Variants in ZNF664 observed in about 807,000 individuals in gnomAD.
ZNF664 encodes zinc finger Organ of Corti 1.
Under a neutral mutation model 18.2 loss-of-function variants are expected in ZNF664, and 10 were observed. That is an observed-to-expected ratio of 0.55 (90% CI 0.34 to 0.93). The LOEUF (loss-of-function observed/expected upper bound fraction) is 0.93, where lower values mean the gene tolerates loss of function less well. ZNF664 is among the 40% of genes least tolerant of loss of function. ZNF664 has a pLI of 0.02. For synonymous variants in ZNF664, 119 were observed against 104.2 expected (o/e 1.14, Z -0.86); for missense variants, 193 against 319.0 (o/e 0.61, Z 3.01).
At chr12:124,008,483 T>C (rs1202657517) in intron 3 of ZNF664, among the ~76,000 whole-genome samples, 1 of 152,230 alleles carries the variant, frequency 6.6e-6, no homozygotes, top group East Asian at 1.9e-4. Flanking sequence ...CACCCATTGC[T>C]TTTCATGGTT....
intron 2 of ZNF664, among the ~76,000 whole-genome samples, chr12:123,987,274 T>C (rs1956836529): frequency 6.6e-6 from 1 of 152,168 alleles, no homozygotes; most frequent in Non-Finnish European, 1.5e-5. Context: ...TGAACCTAAG[T>C]TCCTTAATAT....
chr12:124,011,566 T>C lies in ZNF664; in HGVS notation c.-579T>C. ...TACAGGAGACGGCATGATACCCATG[T>C]AGGGAATTCCCCAAAGCAGGGCTTG... On this transcript the variant is annotated 5_prime_UTR_variant, in exon 5 of 5. It removes the in-frame stop codon of an upstream open reading frame in the 5' UTR. Coordinates refer to ENST00000337815, the MANE Select transcript of ZNF664 (RefSeq NM_152437.3). 1.0e-6 allele frequency: 1 copy of C among 986,558 alleles called. No homozygotes were observed. The highest frequency in any genetic ancestry group is 1.2e-6 in the Non-Finnish European group (1 of 830,868). 61.1% of individuals were successfully genotyped at this position (986,558 alleles called of 1,614,324 possible).
At chr12:123,997,639 GCTCACA>G (rs1194218936) in intron 3 of ZNF664, 1 of 152,132 alleles carries the variant, frequency 6.6e-6, no homozygotes, top group Admixed American at 6.6e-5. Context: ...TGGATTTAGG[GCTCACA>G]CTAACACATT....
Position 124,011,585 on chromosome 12 carries a change from G to C in ZNF664, c.-560G>C, listed in dbSNP as rs1379642958. ...CCCATGTAGGGAATTCCCCAAAGCA[G>C]GGCTTGCCATACCTGGACCCCGAGG... is the stretch of plus-strand genomic sequence containing the variant. On this transcript the variant is annotated 5_prime_UTR_variant, in exon 5 of 5. Coordinates refer to ENST00000337815, the MANE Select transcript of ZNF664 (RefSeq NM_152437.3). 1.0e-6 allele frequency: 1 copy of C among 988,772 alleles called. No individual in the cohort carries two copies. Among genetic ancestry groups the C allele is most frequent in the Admixed American group, 6.1e-5 (1 of 16,344 alleles). The allele number at this position is 988,772 out of a possible 1,614,324, so 61.2% of individuals were successfully genotyped here.
At chr12:123,994,784 C>T (rs11057409) in intron 3 of ZNF664, among the ~76,000 whole-genome samples, 48,712 of 152,102 alleles carry the variant, frequency 0.32, 7,963 homozygotes, top group Middle Eastern at 0.37. Context: ...ATCCCTTGGT[C>T]TCTCTTACAC....
At chr12:123,980,389 C>G (rs1956749696) in intron 2 of ZNF664, among the ~76,000 whole-genome samples, 1 of 152,118 alleles carries the variant, frequency 6.6e-6, no homozygotes, top group East Asian at 1.9e-4. Context: ...ATGACACACT[C>G]TTATGTTACA....
intron 3 of ZNF664, among the ~76,000 whole-genome samples, chr12:123,993,020 C>CCTGG (rs780818256): frequency 6.6e-6 from 1 of 152,158 alleles, no homozygotes; most frequent in Non-Finnish European, 1.5e-5. Flanking sequence ...AGAAAAAAGG[C>CCTGG]CTGGCAGTTG....
rs985385316 is a variant in ZNF664 at position 123,973,891 on chromosome 12, C to T, written c.-886C>T. 19 of 1,231,732 alleles carry T rather than the reference C, an allele frequency of 1.5e-5. No individual in the cohort carries two copies. In the African/African-American group the frequency reaches 2.0e-4, roughly 13 times the overall value. The allele number at this position is 1,231,732 out of a possible 1,614,324, so 76.3% of individuals were successfully genotyped here. A position where few individuals can be genotyped will look rare whatever the true frequency, so the allele number is the denominator to read the frequency against. ...GGGTGCTGTGTGTTTTTCAGGGCGC[C>T]CTGCGTCCGGCAGAGGAGGCGAGCA... On this transcript the variant is annotated 5_prime_UTR_variant, in exon 2 of 5. Transcript: ENST00000337815.
rs775927800 is a variant in ZNF664, at chr12:124,013,978, T to C, written c.*1048T>C. 12 of 167,238 alleles carry C rather than the reference T, an allele frequency of 7.2e-5. No individual in the cohort carries two copies. The highest frequency in any genetic ancestry group is 1.9e-4 in the East Asian group (1 of 5,196). 10.4% of individuals were successfully genotyped at this position (167,238 alleles called of 1,614,324 possible). On this transcript the variant is annotated 3_prime_UTR_variant, in exon 5 of 5. Coordinates refer to ENST00000337815, the MANE Select transcript of ZNF664 (RefSeq NM_152437.3). ...CATTCTTTTCTTCATTCAACAAATATGTATTGAACACCTCCTATATGCCAG... is the reference window on the plus strand; with the variant it reads ...CATTCTTTTCTTCATTCAACAAATACGTATTGAACACCTCCTATATGCCAG...
At chr12:124,004,500 GT>G (rs1192196922) in intron 3 of ZNF664, among the ~76,000 whole-genome samples, 2 of 152,238 alleles carry the variant, frequency 1.3e-5, no homozygotes, top group African/African-American at 2.4e-5. Context: ...CGGAGGCAAT[GT>G]TTATTTAGCT....
rs530570710 is a variant in ZNF664, at chr12:124,011,971, C to T, written c.-174C>T. 17 of 1,427,226 alleles carry T rather than the reference C, an allele frequency of 1.2e-5. No homozygotes were observed. The highest frequency in any genetic ancestry group is 1.5e-5 in the Non-Finnish European group (17 of 1,099,590). The allele number at this position is 1,427,226 out of a possible 1,614,324, so 88.4% of individuals were successfully genotyped here. On this transcript the variant is annotated 5_prime_UTR_variant, in exon 5 of 5. Transcript: ENST00000337815. ...GGAACACTATGCAGGAAGAAACCTT[C>T]CGTAGAAAGACAGGCAGGGAAAAGC...
chr12:124,005,221 T>C (rs1957057330), intron 3 of ZNF664, among the ~76,000 whole-genome samples: 1 of 152,168 alleles, frequency 6.6e-6, no homozygotes, highest in Admixed American at 6.5e-5. Flanking sequence ...ACCACACGAG[T>C]TGAACCCAGG....
At chr12:123,979,809 G>A (rs1956740483) in intron 2 of ZNF664, among the ~76,000 whole-genome samples, 1 of 151,676 alleles carries the variant, frequency 6.6e-6, no homozygotes, top group Non-Finnish European at 1.5e-5. Context: ...TCAAGTAGCT[G>A]GGACCACACA....
At chr12:123,989,449 C>G (rs1223808144) in intron 3 of ZNF664, 1 of 152,170 alleles carries the variant, frequency 6.6e-6, no homozygotes, top group Non-Finnish European at 1.5e-5. Context: ...AGTGGTAAGA[C>G]CAAAGAGTCA....
chr12:124,003,760 G>A (rs1461772592), intron 3 of ZNF664, among the ~76,000 whole-genome samples: 3 of 152,184 alleles, frequency 2.0e-5, no homozygotes, highest in Non-Finnish European at 4.4e-5. Flanking sequence ...GAGGGAGTCA[G>A]AGGGAAGATG....
chr12:124,002,398 G>A (rs1299459820), intron 3 of ZNF664, among the ~76,000 whole-genome samples: 1 of 152,226 alleles, frequency 6.6e-6, no homozygotes, highest in Non-Finnish European at 1.5e-5. Flanking sequence ...GAAGGATTAA[G>A]CAGGGCAGTG....
intron 3 of ZNF664, among the ~76,000 whole-genome samples, chr12:123,991,264 G>GA (rs945577621): frequency 5.3e-5 from 8 of 151,952 alleles, no homozygotes; most frequent in East Asian, 1.9e-4. Flanking sequence ...TGAACAGCAG[G>GA]AAAAAAAAGT....
chr12:123,996,372 T>C (rs757348528), intron 3 of ZNF664, among the ~76,000 whole-genome samples: 6 of 152,108 alleles, frequency 3.9e-5, no homozygotes, highest in Non-Finnish European at 5.9e-5. Flanking sequence ...TTGCTTCAAG[T>C]GGGCTGAGTG....
chr12:123,984,140 G>A (rs1208516062), intron 2 of ZNF664, among the ~76,000 whole-genome samples: 3 of 152,212 alleles, frequency 2.0e-5, no homozygotes, highest in South Asian at 2.1e-4. Flanking sequence ...TGAAACTGGT[G>A]TGGATGTTAG....
Sources: allele counts gnomAD v4.1 joint callset (sites outside exome capture counted in the v4.1 genomes callset), GRCh38; gene constraint gnomAD v4.1.1; transcripts MANE v1.5; gene names NCBI Gene and HGNC (gene_info 2026-07-23, HGNC 2026-07-21).